Variants in DPP6 observed in about 807,000 individuals in gnomAD.
The protein encoded by DPP6 is A-type potassium channel modulatory protein DPP6.
In DPP6, 69 loss-of-function variants were observed where a neutral mutation model predicts 122.6. That is an observed-to-expected ratio of 0.56 (90% CI 0.46 to 0.69). DPP6 has a LOEUF of 0.69. DPP6 is among the 30% of genes least tolerant of loss of function. The pLI, the probability that DPP6 is intolerant of heterozygous loss-of-function variation, is 0.00. For missense variants in DPP6, 928 were observed against 1,116.9 expected (o/e 0.83, Z 2.41); for synonymous variants, 418 against 433.1 (o/e 0.97, Z 0.43).
intron 5 of DPP6, among the ~76,000 whole-genome samples, chr7:154,592,589 G>A (rs1486043867): frequency 6.6e-6 from 1 of 152,046 alleles, no homozygotes; most frequent in Non-Finnish European, 1.5e-5. Context: ...GTAAGGTAAA[G>A]GACAGGGAGC....
chr7:154,794,390 C>T lies in DPP6; in HGVS notation c.1260+188C>T, dbSNP rs542664563. 1.4e-3 allele frequency among the ~76,000 whole-genome samples: 209 copies of T among 152,312 alleles called. 1 individual carries two copies. The highest frequency in any genetic ancestry group is 4.8e-3 in the African/African-American group (198 of 41,578). Reference sequence around the variant, plus strand: ...GCTGCCACCTCGTGGCTGGTGCAGGCGCTGCCGCAGACCCGACCGAACCCA... The same window carrying T: ...GCTGCCACCTCGTGGCTGGTGCAGGTGCTGCCGCAGACCCGACCGAACCCA... On this transcript the variant is annotated intron_variant, in intron 11 of 25. Transcript: ENST00000377770.
chr7:154,027,758 G>T (rs911697472), intron 1 of DPP6, among the ~76,000 whole-genome samples: 1 of 151,614 alleles, frequency 6.6e-6, no homozygotes, highest in Non-Finnish European at 1.5e-5. Context: ...TGGGCAGGTG[G>T]TTTGTCCCTT....
chr7:154,135,393 A>G (rs1402807585), intron 1 of DPP6, among the ~76,000 whole-genome samples: 3 of 150,284 alleles, frequency 2.0e-5, no homozygotes, highest in Admixed American at 6.6e-5. Flanking sequence ...ACTTCCTTTG[A>G]GCATACACCT....
At chr7:154,335,071 G>A (rs12539342) in intron 1 of DPP6, among the ~76,000 whole-genome samples, 8 of 152,182 alleles carry the variant, frequency 5.3e-5, no homozygotes, top group South Asian at 4.1e-4. Flanking sequence ...ATGCTTAAGC[G>A]TGGAAAACAG....
At position 154,148,750 on chromosome 7, in the gene DPP6, TCCAAAATGCCTCATCC is replaced by T. The variant is rs1796251341; in HGVS notation, c.243+95691_243+95706del. On this transcript the variant is annotated intron_variant, in intron 1 of 25. Coordinates refer to ENST00000377770, the MANE Select transcript of DPP6 (RefSeq NM_130797.4). ...TTTTAGGCTAGGAATTTAAAATGCT[TCCAAAATGCCTCATCC>T]CCATCGCTCTTATTGCAAGCATGTA... 4.6e-5 allele frequency among the ~76,000 whole-genome samples: 7 copies of T among 152,286 alleles called. No individual in the cohort carries two copies. In the South Asian group the frequency reaches 1.4e-3, roughly 31 times the overall value.
intron 3 of DPP6, among the ~76,000 whole-genome samples, chr7:154,508,166 G>A (rs745576263): frequency 6.6e-6 from 1 of 152,114 alleles, no homozygotes; most frequent in African/African-American, 2.4e-5. Flanking sequence ...TTGCCTTCCA[G>A]CTTGGGATAC....
chr7:153,893,508 A>G (rs1280345351), intron 1 of DPP6, among the ~76,000 whole-genome samples: 2 of 152,236 alleles, frequency 1.3e-5, no homozygotes, highest in African/African-American at 4.8e-5. Flanking sequence ...CATTTGTGAG[A>G]AAGGCTCATG....
intron 1 of DPP6, among the ~76,000 whole-genome samples, chr7:154,306,868 T>C (rs987053906): frequency 6.6e-6 from 1 of 152,148 alleles, no homozygotes; most frequent in Non-Finnish European, 1.5e-5. Flanking sequence ...CAAACCCTCC[T>C]CCTTTCAAAA....
At chr7:154,754,793 G>A (rs1158520734) in intron 8 of DPP6, among the ~76,000 whole-genome samples, 1 of 152,078 alleles carries the variant, frequency 6.6e-6, no homozygotes, top group Non-Finnish European at 1.5e-5. Context: ...ATACTATGCA[G>A]CCATAAAAAA....
At chr7:153,970,020 CT>C (rs1161445115) in intron 1 of DPP6, among the ~76,000 whole-genome samples, 3 of 152,102 alleles carry the variant, frequency 2.0e-5, no homozygotes, top group African/African-American at 7.2e-5. Context: ...TAGTTCAATT[CT>C]TTGTTATTAT....
At chr7:154,561,360 A>G (rs1830416242) in intron 4 of DPP6, among the ~76,000 whole-genome samples, 1 of 152,222 alleles carries the variant, frequency 6.6e-6, no homozygotes, top group South Asian at 2.1e-4. Context: ...CCATTAAACA[A>G]GTCTCAATAT....
intron 1 of DPP6, among the ~76,000 whole-genome samples, chr7:154,204,844 A>G (rs939481544): frequency 5.3e-5 from 8 of 152,064 alleles, no homozygotes; most frequent in Admixed American, 5.2e-4. Flanking sequence ...TATACCGTAT[A>G]TATGGATATA....
At chr7:154,190,653 T>A (rs1453340081) in intron 1 of DPP6, among the ~76,000 whole-genome samples, 1 of 152,160 alleles carries the variant, frequency 6.6e-6, no homozygotes, top group Non-Finnish European at 1.5e-5. Context: ...TCTTGGAGCT[T>A]GCTATTGATT....
chr7:153,851,543 T>C, the DPP6 span, among the ~76,000 whole-genome samples: 1 of 152,236 alleles, frequency 6.6e-6, no homozygotes, highest in Non-Finnish European at 1.5e-5. Context: ...TTTTCACTTT[T>C]GTAACTTTCA....
intron 20 of DPP6, chr7:154,876,707 C>G (rs974468237): frequency 1.3e-5 from 2 of 152,248 alleles, no homozygotes; most frequent in African/African-American, 4.8e-5. Flanking sequence ...CTCCAAATGA[C>G]TTATTGAATC....
chr7:153,878,869 A>G, the DPP6 span, among the ~76,000 whole-genome samples: 2 of 152,126 alleles, frequency 1.3e-5, no homozygotes, highest in Middle Eastern at 3.2e-3. Flanking sequence ...TCTGTGCAGG[A>G]ATTAAGTGTG....
At chr7:154,230,433 A>T (rs1045152763) in intron 1 of DPP6, among the ~76,000 whole-genome samples, 6 of 152,172 alleles carry the variant, frequency 3.9e-5, no homozygotes, top group Non-Finnish European at 8.8e-5. Context: ...CTTCATCTTT[A>T]AGGGACTGAT....
chr7:154,435,374 C>A (rs1026819606), intron 1 of DPP6, among the ~76,000 whole-genome samples: 14 of 152,304 alleles, frequency 9.2e-5, no homozygotes, highest in Admixed American at 5.2e-4. Flanking sequence ...GCTTTCCCAC[C>A]AGTTTCACTA....
intron 1 of DPP6, among the ~76,000 whole-genome samples, chr7:154,445,540 A>G (rs969216612): frequency 6.6e-6 from 1 of 152,026 alleles, no homozygotes; most frequent in Non-Finnish European, 1.5e-5. Context: ...CTCACCTGCC[A>G]CTCTTGCTGC....
Sources: gnomAD v4.1 joint callset for allele counts (sites outside exome capture counted in the v4.1 genomes callset) on GRCh38, gnomAD v4.1.1 for gene constraint, MANE v1.5 for transcripts, NCBI Gene and HGNC (gene_info 2026-07-23, HGNC 2026-07-21) for gene names.